The following BACH2 variants were observed in gnomAD, a reference collection of about 807,000 sequenced individuals.
The protein encoded by BACH2 is BACH transcriptional regulator 2.
In BACH2, 5 loss-of-function variants were observed where a neutral mutation model predicts 61.8. The ratio of observed to expected loss-of-function variants is 0.08; its 90% CI spans 0.04 to 0.17. The LOEUF (loss-of-function observed/expected upper bound fraction) is 0.17. BACH2 is among the 10% of genes least tolerant of loss of function. BACH2 has a pLI of 1.00. For synonymous variants in BACH2, 446 were observed against 440.1 expected, an observed-to-expected ratio of 1.01 and a Z score of -0.17; for missense variants, 824 against 1,091.1, an observed-to-expected ratio of 0.76 and a Z score of 3.45.
intron 3 of BACH2, among the ~76,000 whole-genome samples, chr6:90,237,878 G>A (rs1055273895): frequency 1.3e-5 from 2 of 152,136 alleles, no homozygotes; most frequent in Admixed American, 6.6e-5. Flanking sequence ...GACAACGGTG[G>A]ACGAGCAATA....
At chr6:90,183,158 T>G (rs1768226703) in intron 4 of BACH2, among the ~76,000 whole-genome samples, 1 of 152,182 alleles carries the variant, frequency 6.6e-6, no homozygotes, top group Non-Finnish European at 1.5e-5. Flanking sequence ...CAGACCAACC[T>G]TTACCTCCTC....
rs1439844596 is a variant in BACH2 at position 89,927,121 on chromosome 6, T to C, written c.*5287A>G. 1 of 152,794 alleles carries C rather than the reference T, an allele frequency of 6.5e-6. No individual in the cohort carries two copies. Among genetic ancestry groups the C allele is most frequent in the Non-Finnish European group, 1.5e-5 (1 of 68,044 alleles). 9.5% of individuals were successfully genotyped at this position (152,794 alleles called of 1,614,324 possible). On this transcript the variant is annotated 3_prime_UTR_variant, in exon 9 of 9. Coordinates refer to ENST00000257749, the MANE Select transcript of BACH2 (RefSeq NM_021813.4). ...ATCAGACTGGTTCTGGAACAAATTGTCAAATTGTCACAGGCTCTCTTGGCC... is the reference window on the plus strand; with the variant it reads ...ATCAGACTGGTTCTGGAACAAATTGCCAAATTGTCACAGGCTCTCTTGGCC...
Position 90,193,772 on chromosome 6 carries a change from C to T in BACH2, c.-162+12797G>A, listed in dbSNP as rs562475772. Reference sequence around the variant, plus strand: ...TATCTGTTATACCAGCTGTCATTACCTACTATAGGACCTAATTAATTTAAG... The same window carrying T: ...TATCTGTTATACCAGCTGTCATTACTTACTATAGGACCTAATTAATTTAAG... On this transcript the variant is annotated intron_variant, in intron 4 of 8. Coordinates refer to ENST00000257749, the MANE Select transcript of BACH2 (RefSeq NM_021813.4). 1.1e-4 allele frequency among the ~76,000 whole-genome samples: 16 copies of T among 152,232 alleles called. No homozygotes were observed. In the South Asian group the frequency reaches 3.1e-3, roughly 30 times the overall value.
intron 5 of BACH2, among the ~76,000 whole-genome samples, chr6:90,057,809 G>T (rs1385890068): frequency 2.6e-5 from 4 of 152,190 alleles, no homozygotes; most frequent in Non-Finnish European, 4.4e-5. Flanking sequence ...GGGATGCAAG[G>T]CTGGTTCAAC....
chr6:89,984,307 G>A (rs1490586328), intron 6 of BACH2, among the ~76,000 whole-genome samples: 3 of 152,050 alleles, frequency 2.0e-5, no homozygotes, highest in Non-Finnish European at 4.4e-5. Flanking sequence ...GAAAAGGAGG[G>A]AAGATATGGT....
At chr6:90,062,970 AT>A (rs1780765187) in intron 5 of BACH2, 2 of 975,910 alleles carry the variant, frequency 2.0e-6, no homozygotes, top group Admixed American at 1.2e-4. Flanking sequence ...TTACCTGGCA[AT>A]TTGAATAAAA....
At chr6:90,121,754 C>T (rs1460246364) in intron 4 of BACH2, among the ~76,000 whole-genome samples, 2 of 152,156 alleles carry the variant, frequency 1.3e-5, no homozygotes, top group Non-Finnish European at 2.9e-5. Flanking sequence ...CCATGTTGGT[C>T]AGGCTGGTCT....
intron 5 of BACH2, among the ~76,000 whole-genome samples, chr6:90,020,036 G>A (rs56233093): frequency 0.42 from 63,969 of 152,030 alleles, 15,433 homozygotes; most frequent in African/African-American, 0.68. Flanking sequence ...TATCACTTTC[G>A]TGGAGCTGTT....
At chr6:90,169,435 A>C (rs1767739724) in intron 4 of BACH2, among the ~76,000 whole-genome samples, 1 of 152,164 alleles carries the variant, frequency 6.6e-6, no homozygotes, top group African/African-American at 2.4e-5. Context: ...CCCCTCCCTG[A>C]TACTTGCACA....
At chr6:89,961,668 G>A (rs1338245702) in intron 6 of BACH2, among the ~76,000 whole-genome samples, 4 of 152,172 alleles carry the variant, frequency 2.6e-5, no homozygotes, top group African/African-American at 7.2e-5. Context: ...CCTTCTAATG[G>A]TTCTTCATGT....
chr6:90,241,262 C>T (rs1770443302), intron 3 of BACH2, among the ~76,000 whole-genome samples: 1 of 151,608 alleles, frequency 6.6e-6, no homozygotes, highest in African/African-American at 2.4e-5. Flanking sequence ...TGAGATGATA[C>T]TTCTCAATGG....
intron 8 of BACH2, among the ~76,000 whole-genome samples, chr6:89,934,025 A>G (rs1772853218): frequency 6.6e-6 from 1 of 152,110 alleles, no homozygotes; most frequent in Admixed American, 6.6e-5. Context: ...AGACAAAAAA[A>G]AAGTCATCAA....
rs959493943 is a variant in BACH2, at chr6:90,289,656, GCAAAAAA to G, written c.-446+6817_-446+6823del. On this transcript the variant is annotated intron_variant, in intron 1 of 8. Coordinates refer to ENST00000257749, the MANE Select transcript of BACH2 (RefSeq NM_021813.4). ...ATGATGAGCTGAAACAAGAAAAATA[GCAAAAAA>G]CAAAAAACAAACAAACAAAAACAAA... Among the ~76,000 whole-genome samples, 17 of 152,112 alleles carry G rather than the reference GCAAAAAA, an allele frequency of 1.1e-4. No individual in the cohort carries two copies. The Middle Eastern group carries it at 0.01, about 91-fold the overall frequency.
chr6:90,109,530 A>T lies in BACH2; in HGVS notation c.-161-20421T>A, dbSNP rs572444348. On this transcript the variant is annotated intron_variant, in intron 4 of 8. Transcript: ENST00000257749. ...GTCACCTATATGCTGAAGTCTCTCA[A>T]ATTTATTATATGTTGCCCCTGACCT... Among the ~76,000 whole-genome samples the T allele has an allele frequency of 1.5e-3, 228 of 152,204 alleles. 1 individual carries two copies. The highest frequency in any genetic ancestry group is 6.9e-3 in the Admixed American group (106 of 15,278).
At chr6:89,985,131 T>C (rs1033607575) in intron 6 of BACH2, among the ~76,000 whole-genome samples, 4 of 152,132 alleles carry the variant, frequency 2.6e-5, no homozygotes, top group Non-Finnish European at 4.4e-5. Flanking sequence ...AGCAAAGTGT[T>C]GGAGACACGA....
chr6:90,075,360 C>T (rs9451341), intron 5 of BACH2, among the ~76,000 whole-genome samples: 10,543 of 152,116 alleles, frequency 0.069, 1,143 homozygotes, highest in African/African-American at 0.23. Flanking sequence ...TTACATGATG[C>T]CTTTTACACT....
At chr6:90,006,911 C>T (rs1312242854) in intron 6 of BACH2, among the ~76,000 whole-genome samples, 1 of 152,158 alleles carries the variant, frequency 6.6e-6, no homozygotes, top group Non-Finnish European at 1.5e-5. Flanking sequence ...AGCTGCTGCA[C>T]CTGGCCCCAG....
At chr6:90,081,871 C>T (rs550546254) in intron 5 of BACH2, among the ~76,000 whole-genome samples, 2 of 152,240 alleles carry the variant, frequency 1.3e-5, no homozygotes, top group East Asian at 3.9e-4. Flanking sequence ...CCCTTCCTAA[C>T]CTTGGCCAAG....
At chr6:90,225,910 A>G (rs1223516204) in intron 3 of BACH2, among the ~76,000 whole-genome samples, 1 of 152,158 alleles carries the variant, frequency 6.6e-6, no homozygotes, top group Admixed American at 6.5e-5. Flanking sequence ...CCAAGAGGCC[A>G]TCAGTTCAAG....
Sources: allele counts gnomAD v4.1 joint callset (sites outside exome capture counted in the v4.1 genomes callset), GRCh38; gene constraint gnomAD v4.1.1; transcripts MANE v1.5; gene names NCBI Gene and HGNC (gene_info 2026-07-23, HGNC 2026-07-21).